The following LRP1B variants were observed in gnomAD, a reference collection of about 807,000 sequenced individuals.
LRP1B encodes LDL receptor related protein 1B.
LRP1B carries 217 observed loss-of-function variants against 556.6 expected under a neutral mutation model. That is an observed-to-expected ratio of 0.39 (90% CI 0.35 to 0.44). The LOEUF is 0.44. Ranked by LOEUF, LRP1B falls within the 20% of genes least tolerant of loss-of-function variation. The probability of loss-of-function intolerance (pLI) is 1.00; values close to 1 mark genes in which losing one functional copy is unlikely to be tolerated. For missense variants in LRP1B, 5,053 were observed against 5,620.8 expected (o/e 0.90, Z 3.23); for synonymous variants, 2,047 against 1,865.8 (o/e 1.10, Z -2.50).
At chr2:141,404,349 T>C (rs1690550719) in intron 3 of LRP1B, among the ~76,000 whole-genome samples, 2 of 152,180 alleles carry the variant, frequency 1.3e-5, no homozygotes, top group African/African-American at 4.8e-5. Context: ...TCACCATGCA[T>C]ACTTCAAGGT....
In LRP1B at chr2:140,239,550, G is replaced by A. The variant is rs766384264; in HGVS notation, c.13325-18C>T. 21 of 1,495,042 alleles carry A rather than the reference G, an allele frequency of 1.4e-5. No homozygotes were observed. The South Asian group carries it at 2.1e-4, about 15-fold the overall frequency. The allele number at this position is 1,495,042 out of a possible 1,614,324, so 92.6% of individuals were successfully genotyped here. ...AATGCTTCCTGGAAAATAAATGAGT[G>A]AATAGATGAAGAAATAAATAAAATG... is the stretch of plus-strand genomic sequence containing the variant. On this transcript the variant is annotated intron_variant, in intron 87 of 90. Transcript: ENST00000389484.
intron 1 of LRP1B, among the ~76,000 whole-genome samples, chr2:142,015,991 C>CAAAAAAAAA (rs70994471): frequency 0.08 from 3,104 of 38,652 alleles, 914 homozygotes; most frequent in African/African-American, 0.24. Flanking sequence ...GACTCCATCT[C>CAAAAAAAAA]AAAAAAAAAA....
At chr2:141,964,572 T>C (rs1196731594) in intron 1 of LRP1B, among the ~76,000 whole-genome samples, 2 of 151,954 alleles carry the variant, frequency 1.3e-5, no homozygotes, top group Admixed American at 6.6e-5. Flanking sequence ...ATCCCTTCCT[T>C]ACACCTTATA....
intron 1 of LRP1B, among the ~76,000 whole-genome samples, chr2:142,044,189 G>A (rs1318875530): frequency 6.6e-6 from 1 of 151,654 alleles, no homozygotes; most frequent in East Asian, 1.9e-4. Flanking sequence ...GGTACTACAA[G>A]ACACAACAAC....
intron 66 of LRP1B, among the ~76,000 whole-genome samples, chr2:140,402,066 A>G (rs571596159): frequency 8.8e-4 from 134 of 152,266 alleles, no homozygotes; most frequent in Non-Finnish European, 1.6e-3. Flanking sequence ...ATTCCCCAGC[A>G]CCAACCAGGA....
At chr2:141,675,669 A>G (rs933889111) in intron 2 of LRP1B, among the ~76,000 whole-genome samples, 3 of 91,272 alleles carry the variant, frequency 3.3e-5, no homozygotes, top group Non-Finnish European at 4.3e-5. Context: ...AATTATTTTA[A>G]ATTTATTTGG....
intron 72 of LRP1B, among the ~76,000 whole-genome samples, chr2:140,361,365 T>TATATATATAC (rs1553454148): frequency 1.5e-5 from 2 of 130,716 alleles, no homozygotes. Flanking sequence ...TATATATATA[T>TATATATATAC]ATATATATAT....
chr2:141,679,344 G>A (rs549076253), intron 2 of LRP1B, among the ~76,000 whole-genome samples: 186 of 152,190 alleles, frequency 1.2e-3, no homozygotes, highest in African/African-American at 4.1e-3. Flanking sequence ...TAAATGTTTC[G>A]TTTTAAGTCA....
intron 35 of LRP1B, among the ~76,000 whole-genome samples, chr2:140,736,042 C>T (rs1317580371): frequency 6.6e-6 from 1 of 152,116 alleles, no homozygotes; most frequent in African/African-American, 2.4e-5. Context: ...GGCAACATCT[C>T]TGCTAGGGTG....
intron 6 of LRP1B, among the ~76,000 whole-genome samples, chr2:141,194,908 C>A (rs919807058): frequency 6.6e-6 from 1 of 152,024 alleles, no homozygotes; most frequent in African/African-American, 2.4e-5. Flanking sequence ...TAATTTATAT[C>A]TTTTTGACTG....
At position 140,716,732 on chromosome 2, in the gene LRP1B, A is replaced by G; in HGVS notation, c.5843T>C (p.Ile1948Thr). 2 of 1,612,378 alleles carry G rather than the reference A, an allele frequency of 1.2e-6. No individual in the cohort carries two copies. The highest frequency in any genetic ancestry group is 1.1e-5 in the South Asian group (1 of 91,008). Residue 1948 changes from isoleucine (I) to threonine (T), a missense_variant, in exon 36 of 91, where the codon ATT (isoleucine) becomes ACT (threonine). Around this residue, in one of 5 missense-constraint regions of LRP1B, gnomAD observed 3,619 missense variants for 3,931.9 expected, o/e 0.92. Coordinates refer to ENST00000389484, the MANE Select transcript of LRP1B (RefSeq NM_018557.3). Reference sequence around the variant, plus strand: ...TTCCACTCTTCCCAAGCCATTGGTAATGATATCTTCTTTCCAAGTCTGATC... The same window carrying G: ...TTCCACTCTTCCCAAGCCATTGGTAGTGATATCTTCTTTCCAAGTCTGATC... ...KRDQTWKEDI[I>T]TNGLGRVEGI...
intron 5 of LRP1B, among the ~76,000 whole-genome samples, chr2:141,244,410 G>A (rs962548014): frequency 3.3e-5 from 5 of 152,108 alleles, no homozygotes; most frequent in South Asian, 2.1e-4. Context: ...CTGGCTTGTC[G>A]TGGAGGGAAA....
chr2:142,033,321 G>A (rs183557699), intron 1 of LRP1B, among the ~76,000 whole-genome samples: 8 of 151,522 alleles, frequency 5.3e-5, no homozygotes, highest in East Asian at 3.9e-4. Context: ...CATTCTAGAC[G>A]TCTATCTTTA....
intron 3 of LRP1B, among the ~76,000 whole-genome samples, chr2:141,370,432 G>T (rs989118221): frequency 3.3e-5 from 5 of 152,020 alleles, no homozygotes; most frequent in Non-Finnish European, 7.4e-5. Flanking sequence ...AGACTTCTTG[G>T]CCATTTGTTT....
chr2:140,451,597 C>T (rs977335634), intron 62 of LRP1B, among the ~76,000 whole-genome samples: 5 of 152,104 alleles, frequency 3.3e-5, no homozygotes, highest in African/African-American at 1.2e-4. Flanking sequence ...ACTGAAAATA[C>T]TGCCTTTAGC....
At chr2:141,543,880 T>C (rs1244137939) in intron 2 of LRP1B, among the ~76,000 whole-genome samples, 1 of 152,058 alleles carries the variant, frequency 6.6e-6, no homozygotes, top group African/African-American at 2.4e-5. Flanking sequence ...TCATGGGACA[T>C]AGGGTAATGA....
At chr2:141,781,127 T>C (rs1695238675) in intron 2 of LRP1B, among the ~76,000 whole-genome samples, 1 of 152,146 alleles carries the variant, frequency 6.6e-6, no homozygotes, top group African/African-American at 2.4e-5. Flanking sequence ...CCATTTTTCC[T>C]AGAACTCAAA....
intron 3 of LRP1B, among the ~76,000 whole-genome samples, chr2:141,310,634 C>T (rs1274520964): frequency 6.6e-6 from 1 of 152,080 alleles, no homozygotes. Context: ...CACATATGCA[C>T]ATACACGGAC....
chr2:141,419,192 T>C (rs1680052430), intron 3 of LRP1B, among the ~76,000 whole-genome samples: 1 of 151,286 alleles, frequency 6.6e-6, no homozygotes, highest in Non-Finnish European at 1.5e-5. Context: ...GAATTCACTT[T>C]GCTGATACTT....
Sources: gnomAD v4.1 joint callset for allele counts (sites outside exome capture counted in the v4.1 genomes callset) on GRCh38, gnomAD v4.1.1 for gene constraint, gnomAD v4.1.1 regional missense constraint, MANE v1.5 for transcripts, NCBI Gene and HGNC (gene_info 2026-07-23, HGNC 2026-07-21) for gene names.